ASAP3: variants seen among roughly 807,000 people sequenced by gnomAD.
ASAP3 encodes ArfGAP with SH3 domain, ankyrin repeat and PH domain 3, also known as arf-GAP with SH3 domain, ANK repeat and PH domain-containing protein 3.
ASAP3 carries 85 observed loss-of-function variants against 118.2 expected under a neutral mutation model. The observed-to-expected ratio is 0.72, with a 90% CI of 0.60 to 0.86. The LOEUF (loss-of-function observed/expected upper bound fraction) is 0.86. ASAP3 is among the 40% of genes least tolerant of loss of function. The probability of loss-of-function intolerance (pLI) is 0.00; values close to 1 mark genes in which losing one functional copy is unlikely to be tolerated. For missense variants in ASAP3, 1,026 were observed against 1,175.0 expected (o/e 0.87, Z 1.85); for synonymous variants, 432 against 477.4 (o/e 0.90, Z 1.24).
At chr1:23,442,728 G>A in intron 5 of ASAP3, 116 bp from the exon 6 acceptor site, 1 of 1,448,604 alleles carries the variant, frequency 6.9e-7, no homozygotes, top group East Asian at 2.5e-5. Flanking sequence ...TGTGCCAGCT[G>A]TGTGGTGGGG....
At chr1:23,471,444 T>A (rs1641958206) in intron 1 of ASAP3, among the ~76,000 whole-genome samples, 1 of 152,232 alleles carries the variant, frequency 6.6e-6, no homozygotes, top group South Asian at 2.1e-4. Context: ...AATGGCTCAT[T>A]TACCTTTGTA....
At position 23,437,478 on chromosome 1, in the gene ASAP3, G is replaced by C; in HGVS notation, c.1103-6C>G. ...AAAGTGGTACGTCCGGTTGTCTGTCGGGAGAGAAGGGGGCTTCTGACCCAC... is the reference window on the plus strand; with the variant it reads ...AAAGTGGTACGTCCGGTTGTCTGTCCGGAGAGAAGGGGGCTTCTGACCCAC... On this transcript the variant is annotated splice_polypyrimidine_tract_variant and splice_region_variant and intron_variant, in intron 12 of 24. Coordinates refer to ENST00000336689, the MANE Select transcript of ASAP3 (RefSeq NM_017707.4). The surrounding 1 kb of genome is among the most constrained non-coding windows in gnomAD (Gnocchi z 6.1). The C allele has an allele frequency of 6.2e-7, 1 of 1,614,014 alleles. No individual in the cohort carries two copies. The highest frequency in any genetic ancestry group is 1.1e-5 in the South Asian group (1 of 91,070).
upstream of ASAP3, chr1:23,484,198 C>G (rs1642433583): frequency 1.7e-6 from 2 of 1,210,560 alleles, no homozygotes; most frequent in Non-Finnish European, 2.1e-6. Flanking sequence ...CCGCGCTGAG[C>G]CGGCCTCACC....
intron 1 of ASAP3, among the ~76,000 whole-genome samples, chr1:23,468,973 A>T (rs910668957): frequency 5.9e-5 from 9 of 151,374 alleles, no homozygotes; most frequent in Non-Finnish European, 1.2e-4. Context: ...AACAAAAAAA[A>T]CCCAGGGCTT....
chr1:23,437,452 G>C lies in ASAP3; in HGVS notation c.1123C>G (p.Gln375Glu), dbSNP rs747227838. The change falls in exon 13 of 25, where the codon CAG (glutamine) becomes GAG (glutamate). Residue 375 changes from glutamine to glutamate, a missense_variant. Coordinates refer to ENST00000336689, the MANE Select transcript of ASAP3 (RefSeq NM_017707.4). The surrounding 1 kb of genome is among the most constrained non-coding windows in gnomAD (Gnocchi z 6.1). Reference protein sequence around the residue: ...LVTHNRTYHFQAEDEHECEAW... With the variant: ...LVTHNRTYHFEAEDEHECEAW... ...TCACACTCGTGCTCGTCCTCTGCCTGAAAGTGGTACGTCCGGTTGTCTGTC... is the reference window on the plus strand; with the variant it reads ...TCACACTCGTGCTCGTCCTCTGCCTCAAAGTGGTACGTCCGGTTGTCTGTC... 3 of 1,614,158 alleles carry C rather than the reference G, an allele frequency of 1.9e-6. No individual in the cohort carries two copies. The highest frequency in any genetic ancestry group is 2.5e-6 in the Non-Finnish European group (3 of 1,180,008).
chr1:23,464,134 A>G (rs1641683530), intron 1 of ASAP3, among the ~76,000 whole-genome samples: 1 of 151,590 alleles, frequency 6.6e-6, no homozygotes, highest in Non-Finnish European at 1.5e-5. Flanking sequence ...CAGGAGTTCA[A>G]GACCAGCCTC....
chr1:23,430,257 T>C (rs1487879320), intron 24 of ASAP3, among the ~76,000 whole-genome samples: 5 of 152,138 alleles, frequency 3.3e-5, no homozygotes, highest in Non-Finnish European at 7.3e-5. Context: ...AAGATGACGA[T>C]TCCCCAGACA....
chr1:23,441,342 G>A (rs1640866698), intron 9 of ASAP3, 45 bp downstream of exon 9: 1 of 1,608,640 alleles, frequency 6.2e-7, no homozygotes, highest in African/African-American at 1.3e-5. Context: ...CTCCACGGTG[G>A]GCCTTGGGGG....
intron 1 of ASAP3, among the ~76,000 whole-genome samples, chr1:23,482,718 A>G (rs4649091): frequency 0.034 from 5,230 of 151,998 alleles, 313 homozygotes; most frequent in South Asian, 0.23. Flanking sequence ...GGAGGCCGAG[A>G]CGGGCGGATC....
chr1:23,437,045 C>A lies in ASAP3; in HGVS notation c.1343-1G>T. ...AGGTTGGTGCTGAGCCACGTGGGGTCTGCAGAGGAAAGCAGCTGGAGCCTG... is the reference window on the plus strand; with the variant it reads ...AGGTTGGTGCTGAGCCACGTGGGGTATGCAGAGGAAAGCAGCTGGAGCCTG... On this transcript the variant is annotated splice_acceptor_variant, in intron 14 of 24. Coordinates refer to ENST00000336689, the MANE Select transcript of ASAP3 (RefSeq NM_017707.4). LOFTEE classifies it high-confidence loss of function. This position sits in a 1 kb window ranked among gnomAD's most constrained non-coding sequence, Gnocchi z 6.1. 6.2e-7 allele frequency: 1 copy of A among 1,610,130 alleles called. No individual in the cohort carries two copies. Among genetic ancestry groups the A allele is most frequent in the Non-Finnish European group, 8.5e-7 (1 of 1,178,624 alleles).
chr1:23,453,638 C>G (rs1012094777), intron 3 of ASAP3, among the ~76,000 whole-genome samples: 1 of 152,064 alleles, frequency 6.6e-6, no homozygotes, highest in Non-Finnish European at 1.5e-5. Context: ...GATTTCGCAA[C>G]CTAAAGAGGC....
chr1:23,462,851 A>G (rs942976292), intron 1 of ASAP3, among the ~76,000 whole-genome samples: 2 of 152,200 alleles, frequency 1.3e-5, no homozygotes, highest in African/African-American at 4.8e-5. Flanking sequence ...TTATCATGCA[A>G]TGTGATGAGG....
chr1:23,431,094 C>A lies in ASAP3; in HGVS notation c.2578G>T (p.Ala860Ser). 6.4e-7 allele frequency: 1 copy of A among 1,563,866 alleles called. No individual in the cohort carries two copies. The change falls in exon 24 of 25, where the codon GCG (alanine) becomes TCG (serine). Residue 860 changes from alanine (A) to serine (S), a missense_variant. By Grantham distance (99) the Ala-to-Ser change is moderately conservative. Transcript: ENST00000336689. The stretch of plus-strand genomic sequence containing the variant: ...GAGGGACCATCTTCAGGGCTCCGCG[C>A]CCCCCGCCGATAGGAGCGAGTGCTC... ...SESTRSYRRGARSPEDGPSAR... is the reference protein window; with the variant it reads ...SESTRSYRRGSRSPEDGPSAR...
intron 19 of ASAP3, 117 bp downstream of exon 19, chr1:23,434,137 C>T (rs1045615337): frequency 4.2e-6 from 4 of 956,724 alleles, no homozygotes; most frequent in Non-Finnish European, 6.5e-6. Context: ...AATGACAAAC[C>T]CCTAAGATCA....
chr1:23,449,393 G>T (rs1330626352), intron 5 of ASAP3, among the ~76,000 whole-genome samples: 1 of 152,100 alleles, frequency 6.6e-6, no homozygotes. Flanking sequence ...TACAGGGCCC[G>T]GGATGCCTTT....
At chr1:23,467,173 CATT>C (rs60663868) in intron 1 of ASAP3, among the ~76,000 whole-genome samples, 76 of 148,274 alleles carry the variant, frequency 5.1e-4, no homozygotes, top group African/African-American at 6.3e-4. Flanking sequence ...CCATTACAGC[CATT>C]ATTATTATTA....
upstream of ASAP3, chr1:23,484,287 C>T (rs1238038377): frequency 2.7e-6 from 2 of 740,058 alleles, no homozygotes; most frequent in Non-Finnish European, 1.8e-6. Flanking sequence ...AGCCGCTCTC[C>T]GCTCCTCAGC....
Position 23,434,121 on chromosome 1 carries a change from G to A in ASAP3, c.1951+133C>T, listed in dbSNP as rs935817590. The A allele has an allele frequency of 3.7e-6, 3 of 815,416 alleles. No homozygotes were observed. In the African/African-American group the frequency reaches 5.1e-5, roughly 14 times the overall value. The allele number at this position is 815,416 out of a possible 1,614,324, so 50.5% of individuals were successfully genotyped here. A position where few individuals can be genotyped will look rare whatever the true frequency, so the allele number is the denominator to read the frequency against. On this transcript the variant is annotated intron_variant, in intron 19 of 24. Transcript: ENST00000336689. ...TACAGATGAGGAAGCTGAAATTCAA[G>A]AGCTGAATGACAAACCCCTAAGATC... is the stretch of plus-strand genomic sequence containing the variant.
chr1:23,434,505 C>A, intron 18 of ASAP3, 28 bp downstream of exon 18: 1 of 1,613,028 alleles, frequency 6.2e-7, no homozygotes, highest in South Asian at 1.1e-5. Flanking sequence ...GTGTGAGGAG[C>A]CAGACAGACA....
Sources: gnomAD v4.1 joint callset for allele counts (sites outside exome capture counted in the v4.1 genomes callset) on GRCh38, gnomAD v4.1.1 for gene constraint, Gnocchi (gnomAD v3.1) non-coding constraint, MANE v1.5 for transcripts, NCBI Gene and HGNC (gene_info 2026-07-23, HGNC 2026-07-21) for gene names.